SNX24: variants seen among roughly 807,000 people sequenced by gnomAD.
The protein encoded by SNX24 is sorting nexin 24.
Under a neutral mutation model 28.7 loss-of-function variants are expected in SNX24, and 22 were observed. That is an observed-to-expected ratio of 0.77 (90% confidence interval 0.55 to 1.10). SNX24 has a LOEUF of 1.10. SNX24 is among the 50% of genes least tolerant of loss of function. The pLI, the probability that SNX24 is intolerant of heterozygous loss-of-function variation, is 0.00. For missense variants in SNX24, 221 were observed against 201.1 expected, an observed-to-expected ratio of 1.10 and a Z score of -0.60; for synonymous variants, 69 against 71.5, an observed-to-expected ratio of 0.96 and a Z score of 0.18.
chr5:122,984,362 A>C (rs867516978), intron 3 of SNX24, among the ~76,000 whole-genome samples: 2 of 152,274 alleles, frequency 1.3e-5, no homozygotes, highest in Non-Finnish European at 2.9e-5. Context: ...TTTTCTTTAC[A>C]TAAATGACAC....
chr5:122,863,116 A>G (rs904661399), intron 1 of SNX24, among the ~76,000 whole-genome samples: 1 of 152,192 alleles, frequency 6.6e-6, no homozygotes, highest in Non-Finnish European at 1.5e-5. Flanking sequence ...AAGAGTAAAC[A>G]TGATAATTAA....
intron 1 of SNX24, among the ~76,000 whole-genome samples, chr5:122,903,422 C>T (rs1051695214): frequency 2.0e-5 from 3 of 152,196 alleles, no homozygotes; most frequent in Non-Finnish European, 4.4e-5. Flanking sequence ...GCCTCCTCTG[C>T]ACTTTTAATG....
At chr5:123,019,743 C>T (rs973255769) in intron 5 of SNX24, among the ~76,000 whole-genome samples, 5 of 152,126 alleles carry the variant, frequency 3.3e-5, no homozygotes, top group Non-Finnish European at 5.9e-5. Flanking sequence ...ATTCCACATC[C>T]GCCCACAACT....
chr5:122,881,426 G>A (rs1458380923), intron 1 of SNX24, among the ~76,000 whole-genome samples: 2 of 152,178 alleles, frequency 1.3e-5, no homozygotes, highest in African/African-American at 4.8e-5. Context: ...AGCAGCATTG[G>A]TGAGAGTGTG....
At chr5:122,851,789 C>T (rs1425762885) in intron 1 of SNX24, among the ~76,000 whole-genome samples, 1 of 152,116 alleles carries the variant, frequency 6.6e-6, no homozygotes, top group South Asian at 2.1e-4. Flanking sequence ...ATAATTCTTT[C>T]ATTCACTACA....
intron 3 of SNX24, chr5:122,983,058 A>G (rs1761456258): frequency 6.6e-6 from 1 of 152,136 alleles, no homozygotes; most frequent in African/African-American, 2.4e-5. Context: ...TAATTCACCA[A>G]GAAACTGAGG....
At chr5:122,862,555 T>C (rs1414608634) in intron 1 of SNX24, among the ~76,000 whole-genome samples, 1 of 149,440 alleles carries the variant, frequency 6.7e-6, no homozygotes, top group Non-Finnish European at 1.5e-5. Flanking sequence ...TGAGCCGAGA[T>C]TGCGCCACTG....
intron 3 of SNX24, among the ~76,000 whole-genome samples, chr5:122,983,331 A>G (rs895939206): frequency 2.6e-5 from 4 of 152,136 alleles, no homozygotes; most frequent in African/African-American, 9.7e-5. Flanking sequence ...ACTAAAAGGC[A>G]CCTTATAATT....
At chr5:123,018,371 G>A (rs1762715326) in intron 5 of SNX24, among the ~76,000 whole-genome samples, 1 of 152,094 alleles carries the variant, frequency 6.6e-6, no homozygotes, top group African/African-American at 2.4e-5. Context: ...TTTAAGACCA[G>A]GGAAGAAAAA....
intron 5 of SNX24, among the ~76,000 whole-genome samples, chr5:123,018,753 A>G (rs34200112): frequency 2.2e-4 from 33 of 151,622 alleles, no homozygotes; most frequent in African/African-American, 8.0e-4. Context: ...GTGGTGGGAT[A>G]TCGGCTCACT....
intron 3 of SNX24, among the ~76,000 whole-genome samples, chr5:122,975,668 A>G (rs1482963024): frequency 6.6e-6 from 1 of 152,198 alleles, no homozygotes; most frequent in Admixed American, 6.5e-5. Flanking sequence ...AATCATTAGG[A>G]GGAAGACAAT....
intron 3 of SNX24, among the ~76,000 whole-genome samples, chr5:122,950,795 A>G (rs1238920527): frequency 1.3e-5 from 2 of 152,172 alleles, no homozygotes; most frequent in African/African-American, 4.8e-5. Flanking sequence ...TATTCTTGGT[A>G]AAAGAAAAGG....
rs562041526 is a variant in SNX24 at position 122,902,956 on chromosome 5, T to A, written c.61-33778T>A. 2.0e-5 allele frequency among the ~76,000 whole-genome samples: 3 copies of A among 152,304 alleles called. No individual in the cohort carries two copies. In the South Asian group the frequency reaches 6.2e-4, roughly 32 times the overall value. ...TCTGGATCTGTATCTTGCTACTTAT[T>A]GTTCCCTAGGCCTGAGACGTCCCCA... On this transcript the variant is annotated intron_variant, in intron 1 of 6. Coordinates refer to ENST00000261369, the MANE Select transcript of SNX24 (RefSeq NM_014035.4).
intron 1 of SNX24, among the ~76,000 whole-genome samples, chr5:122,925,920 G>C (rs1338782143): frequency 6.6e-6 from 1 of 152,112 alleles, no homozygotes; most frequent in Non-Finnish European, 1.5e-5. Flanking sequence ...TATCATTATG[G>C]AGCTTATAAT....
At position 122,907,300 on chromosome 5, in the gene SNX24, A is replaced by T. The variant is rs575290433; in HGVS notation, c.61-29434A>T. 1.6e-3 allele frequency among the ~76,000 whole-genome samples: 247 copies of T among 152,286 alleles called. 1 individual carries two copies. The highest frequency in any genetic ancestry group is 5.5e-3 in the African/African-American group (228 of 41,546). ...TTTCTTTAAATCATATTGAAGTAAA[A>T]AGTCTATTAAAAAAAATCAAGTCCA... On this transcript the variant is annotated intron_variant, in intron 1 of 6. Coordinates refer to ENST00000261369, the MANE Select transcript of SNX24 (RefSeq NM_014035.4).
At chr5:122,964,562 TTTAAC>T (rs1760636995) in intron 3 of SNX24, among the ~76,000 whole-genome samples, 1 of 152,150 alleles carries the variant, frequency 6.6e-6, no homozygotes. Flanking sequence ...AAATTCCTCT[TTTAAC>T]TTAAAAATGT....
Position 122,946,191 on chromosome 5 carries a change from A to T in SNX24, c.249+32A>T, listed in dbSNP as rs77465755. ...TATGTTTAGATCCTCATTTTATATA[A>T]CATAAATAATCATATGTCTTACCAC... On this transcript the variant is annotated intron_variant, in intron 3 of 6. Transcript: ENST00000261369. 1.8e-4 allele frequency: 231 copies of T among 1,254,728 alleles called. 1 individual carries two copies. The African/African-American group carries it at 2.8e-3, about 15-fold the overall frequency. 77.7% of individuals were successfully genotyped at this position (1,254,728 alleles called of 1,614,324 possible).
chr5:122,959,705 A>G (rs1367211433), intron 3 of SNX24, among the ~76,000 whole-genome samples: 1 of 151,812 alleles, frequency 6.6e-6, no homozygotes, highest in African/African-American at 2.4e-5. Context: ...CACTGATTGC[A>G]TTAATTTAGG....
chr5:122,880,891 A>G (rs950285920), intron 1 of SNX24, among the ~76,000 whole-genome samples: 1 of 152,244 alleles, frequency 6.6e-6, no homozygotes, highest in African/African-American at 2.4e-5. Context: ...GACAGCACCG[A>G]AATTGCATCC....
Sources: allele counts gnomAD v4.1 joint callset (sites outside exome capture counted in the v4.1 genomes callset), GRCh38; gene constraint gnomAD v4.1.1; transcripts MANE v1.5; gene names NCBI Gene and HGNC (gene_info 2026-07-23, HGNC 2026-07-21).